Variants in GARIN5B observed in about 807,000 individuals in gnomAD.
GARIN5B encodes golgi associated RAB2 interactor family member 5B, also known as Golgi-associated RAB2 interactor protein 5B.
chr19:55,358,538 TCCTTCATCTCGCCCCATGGCCG>T, the GARIN5B span: 46 of 1,501,466 alleles, frequency 3.1e-5, no homozygotes, highest in Non-Finnish European at 4.0e-5. Context: ...CCATGGCTGC[TCCTTCATCTCGCCCCATGGCCG>T]CTTGCCCTCC....
At chr19:55,362,475 A>T in the GARIN5B span, 1 of 1,472,688 alleles carries the variant, frequency 6.8e-7, no homozygotes, top group African/African-American at 1.4e-5. Context: ...TCATGGACGC[A>T]GAGGTGGACG....
At chr19:55,361,150 G>T in the GARIN5B span, 1 of 1,551,216 alleles carries the variant, frequency 6.4e-7, no homozygotes, top group Non-Finnish European at 8.7e-7. Flanking sequence ...AGCCCCTTGG[G>T]CCCACACCAC....
the GARIN5B span, chr19:55,359,432 G>C: frequency 4.5e-6 from 7 of 1,549,508 alleles, no homozygotes; most frequent in African/African-American, 5.5e-5. Context: ...GGCCTTCCGG[G>C]ATGGAGCAGG....
the GARIN5B span, chr19:55,361,196 G>T: frequency 6.4e-7 from 1 of 1,551,328 alleles, no homozygotes; most frequent in Non-Finnish European, 8.7e-7. Context: ...CTGTCTCTGA[G>T]CAGCCACCGT....
At chr19:55,361,607 C>A in the GARIN5B span, among the ~76,000 whole-genome samples, 23 of 131,110 alleles carry the variant, frequency 1.8e-4, no homozygotes, top group Middle Eastern at 4.3e-3. Flanking sequence ...GGAGTCCAGG[C>A]CCCCAGTCCC....
chr19:55,358,160 A>G, the GARIN5B span: 2 of 1,497,248 alleles, frequency 1.3e-6, no homozygotes, highest in Non-Finnish European at 1.8e-6. Flanking sequence ...CAGAAGGTTC[A>G]AGACGCCCGA....
chr19:55,355,309 C>CG, the GARIN5B span: 1 of 1,550,116 alleles, frequency 6.5e-7, no homozygotes. Flanking sequence ...GTTAAGCCCC[C>CG]GCATCCGGCC....
chr19:55,362,077 GCAT>G, the GARIN5B span, among the ~76,000 whole-genome samples: 1 of 145,400 alleles, frequency 6.9e-6, no homozygotes, highest in African/African-American at 2.6e-5. Flanking sequence ...CAGGCCCCCA[GCAT>G]CTCCTCCCTC....
chr19:55,358,520 ATCTCGCCCCATGGCT>A, the GARIN5B span: 2 of 33,348 alleles, frequency 6.0e-5, no homozygotes, highest in Non-Finnish European at 8.2e-5. Context: ...TGGCTCCTTC[ATCTCGCCCCATGGCT>A]GCTCCTTCAT....
At chr19:55,359,253 C>T in the GARIN5B span, 16 of 1,550,964 alleles carry the variant, frequency 1.0e-5, no homozygotes, top group African/African-American at 2.7e-5. Flanking sequence ...GTTGGCAGAG[C>T]CTTCTGGGAT....
the GARIN5B span, among the ~76,000 whole-genome samples, chr19:55,355,588 G>A: frequency 5.3e-5 from 8 of 152,094 alleles, no homozygotes; most frequent in Admixed American, 1.3e-4. Flanking sequence ...CTGGAATCTG[G>A]GCAGGTGGTT....
chr19:55,359,409 C>T, the GARIN5B span: 15 of 1,549,730 alleles, frequency 9.7e-6, no homozygotes, highest in Non-Finnish European at 1.3e-5. Context: ...CGGGGAGAAG[C>T]TGACGCAGCT....
the GARIN5B span, among the ~76,000 whole-genome samples, chr19:55,361,792 C>T: frequency 5.3e-3 from 457 of 86,824 alleles, no homozygotes; most frequent in African/African-American, 0.028. Context: ...ACCCCACAGC[C>T]CCTCCTCCCT....
chr19:55,355,857 G>A, the GARIN5B span, among the ~76,000 whole-genome samples: 3 of 151,704 alleles, frequency 2.0e-5, no homozygotes, highest in Admixed American at 6.6e-5. Flanking sequence ...GTGTTGGTGC[G>A]TGCCTGTGGT....
the GARIN5B span, chr19:55,358,407 C>T: frequency 6.0e-5 from 90 of 1,502,484 alleles, no homozygotes; most frequent in Non-Finnish European, 7.7e-5. Context: ...CACGGTGAGG[C>T]GGTCAGGGGG....
the GARIN5B span, chr19:55,361,227 C>T: frequency 6.4e-7 from 1 of 1,550,998 alleles, no homozygotes; most frequent in African/African-American, 1.4e-5. Flanking sequence ...AAGTTGCGCT[C>T]AGCAACCCTG....
chr19:55,355,424 C>T, the GARIN5B span: 1 of 1,449,616 alleles, frequency 6.9e-7, no homozygotes, highest in Non-Finnish European at 9.4e-7. Flanking sequence ...TTAAGAGCTG[C>T]AGATGCCTGG....
the GARIN5B span, among the ~76,000 whole-genome samples, chr19:55,356,468 C>T: frequency 2.0e-5 from 3 of 151,952 alleles, no homozygotes; most frequent in South Asian, 2.1e-4. Flanking sequence ...TCGCCATGCC[C>T]GGCTAATTTT....
At chr19:55,355,304 G>GC in the GARIN5B span, 1 of 1,549,018 alleles carries the variant, frequency 6.5e-7, no homozygotes, top group South Asian at 1.2e-5. Flanking sequence ...CTGAGGTTAA[G>GC]CCCCCGCATC....
Sources: allele counts gnomAD v4.1 joint callset (sites outside exome capture counted in the v4.1 genomes callset), GRCh38; gene constraint gnomAD v4.1.1; transcripts MANE v1.5; gene names NCBI Gene and HGNC (gene_info 2026-07-23, HGNC 2026-07-21).